The following BRCA1 variants were observed in gnomAD, a reference collection of about 807,000 sequenced individuals.
BRCA1 encodes the protein BRCA1 DNA repair associated.
A neutral mutation model predicts 173.7 loss-of-function variants in BRCA1; 140 were observed. That is an observed-to-expected ratio of 0.81 (90% confidence interval 0.70 to 0.93). BRCA1 has a LOEUF of 0.93. BRCA1 is among the 40% of genes least tolerant of loss of function. The probability of loss-of-function intolerance (pLI) is 0.00; values close to 1 mark genes in which losing one functional copy is unlikely to be tolerated. For missense variants in BRCA1, 1,983 were observed against 2,172.5 expected, an observed-to-expected ratio of 0.91 and a Z score of 1.73; for synonymous variants, 662 against 756.0, an observed-to-expected ratio of 0.88 and a Z score of 2.04.
chr17:43,094,907 T>C (rs1237524173), intron 9 of BRCA1, 47 bp from the exon 10 acceptor site: 2 of 1,522,652 alleles, frequency 1.3e-6, no homozygotes, highest in South Asian at 1.2e-5. Context: ...TGAATTGTCA[T>C]TAAAAAAATA....
chr17:43,076,595 T>C lies in BRCA1; in HGVS notation c.4377A>G (p.Lys1459=). The stretch of plus-strand genomic sequence containing the variant: ...TCTGGCTTATAGGGTATTCACTACT[T>C]TTCTGTGAAGTTAATACTGCTTTAA... ...TSEKAVLTSQ[K]SSEYPISQNP... is the part of the protein sequence containing the mutation. The change falls in exon 13 of 23, where the codon AAA becomes AAG. Residue 1459 remains lysine (K), a synonymous_variant. Transcript: ENST00000357654. The C allele has an allele frequency of 6.2e-7, 1 of 1,613,684 alleles. No individual in the cohort carries two copies. The highest frequency in any genetic ancestry group is 8.5e-7 in the Non-Finnish European group (1 of 1,179,798).
At chr17:43,086,481 T>C (rs972533022) in intron 11 of BRCA1, among the ~76,000 whole-genome samples, 4 of 152,132 alleles carry the variant, frequency 2.6e-5, no homozygotes, top group African/African-American at 9.7e-5. Flanking sequence ...AAAATCCCAC[T>C]TCAATAGTTT....
chr17:43,090,815 A>G (rs1008296570), intron 11 of BRCA1, 129 bp downstream of exon 11: 3 of 916,460 alleles, frequency 3.3e-6, no homozygotes, highest in Non-Finnish European at 5.2e-6. Context: ...TAAGGAGACA[A>G]TGAACCACAA....
chr17:43,165,162 C>G (rs1349524054), intron 1 of BRCA1, among the ~76,000 whole-genome samples: 1 of 152,106 alleles, frequency 6.6e-6, no homozygotes, highest in African/African-American at 2.4e-5. Context: ...TAATGTTTGA[C>G]CATAAGGTAA....
chr17:43,143,054 GTATA>G (rs967043655), intron 1 of BRCA1, among the ~76,000 whole-genome samples: 1 of 148,582 alleles, frequency 6.7e-6, no homozygotes, highest in African/African-American at 2.5e-5. Flanking sequence ...GTATATATGT[GTATA>G]TATATATGTA....
chr17:43,096,160 T>C (rs2054127566), intron 8 of BRCA1, among the ~76,000 whole-genome samples: 1 of 151,894 alleles, frequency 6.6e-6, no homozygotes, highest in South Asian at 2.1e-4. Context: ...GTGGACCACT[T>C]GAGGTCATGA....
At chr17:43,118,924 C>T (rs1003136075) in intron 2 of BRCA1, among the ~76,000 whole-genome samples, 5 of 152,076 alleles carry the variant, frequency 3.3e-5, no homozygotes, top group African/African-American at 4.8e-5. Flanking sequence ...CTGCCACACC[C>T]GGCTAATTTT....
chr17:43,052,234 G>A (rs573003822), intron 19 of BRCA1, among the ~76,000 whole-genome samples: 1 of 152,250 alleles, frequency 6.6e-6, no homozygotes, highest in South Asian at 2.1e-4. Context: ...ATTGAGCACT[G>A]GAGATGTGGT....
rs537907260 is a variant in BRCA1, at chr17:43,131,696, C to T, written c.-19-7581G>A. ...AGATCGTGCCACTGCACTTCAGCCT[C>T]GGTGACAGAGCGAGACTCCGTCTCA... On this transcript the variant is annotated intron_variant, in intron 1 of 7. Coordinates refer to the BRCA1 transcript ENST00000634433. Among the ~76,000 whole-genome samples, 355 of 150,294 alleles carry T rather than the reference C, an allele frequency of 2.4e-3. 2 individuals are homozygous for T. The highest frequency in any genetic ancestry group is 8.4e-3 in the African/African-American group (342 of 40,860).
At chr17:43,146,907 C>T (rs1296557865) in intron 1 of BRCA1, among the ~76,000 whole-genome samples, 1 of 152,166 alleles carries the variant, frequency 6.6e-6, no homozygotes, top group Non-Finnish European at 1.5e-5. Flanking sequence ...CTCACCCCCT[C>T]CTCATTTTAG....
At chr17:43,073,766 A>ATT (rs974171622) in intron 14 of BRCA1, among the ~76,000 whole-genome samples, 27 of 151,020 alleles carry the variant, frequency 1.8e-4, no homozygotes, top group African/African-American at 3.4e-4. Flanking sequence ...ATATATATAT[A>ATT]TTTTTTGAGA....
chr17:43,127,492 G>C (rs561324881), upstream of BRCA1, among the ~76,000 whole-genome samples: 2 of 152,232 alleles, frequency 1.3e-5, no homozygotes, highest in Non-Finnish European at 2.9e-5. Context: ...AGCACTCTGT[G>C]TCTAGCTAAA....
Position 43,085,003 on chromosome 17 carries a change from T to C in BRCA1, c.4186-2428A>G, listed in dbSNP as rs899592688. Among the ~76,000 whole-genome samples, 7 of 152,174 alleles carry C rather than the reference T, an allele frequency of 4.6e-5. No individual in the cohort carries two copies. In the South Asian group the frequency reaches 1.4e-3, roughly 32 times the overall value. On this transcript the variant is annotated intron_variant, in intron 11 of 22. Transcript: ENST00000357654. Reference sequence around the variant, plus strand: ...CCCAAAGGAATTATTTTTTATAACTTAGACAAATTCCCCAGCAGGTAAGTG... The same window carrying C: ...CCCAAAGGAATTATTTTTTATAACTCAGACAAATTCCCCAGCAGGTAAGTG...
In BRCA1 at chr17:43,095,906, A is replaced by G. The variant is rs2154514962; in HGVS notation, c.610T>C (p.Leu204=). The G allele has an allele frequency of 6.2e-7, 1 of 1,613,336 alleles. No individual in the cohort carries two copies. Among genetic ancestry groups the G allele is most frequent in the Non-Finnish European group, 8.5e-7 (1 of 1,179,446 alleles). The change falls in exon 9 of 23, where the codon TTG becomes CTG. Residue 204 remains leucine (L), a synonymous_variant. Coordinates refer to ENST00000357654, the MANE Select transcript of BRCA1 (RefSeq NM_007294.4). ...ATYCSVGDQE[L]LQITPQGTRD... ...GTTCCTTGAGGGGTGATTTGTAACA[A>G]TTCTTGATCTCCCACACTATAGGGA...
At chr17:43,060,221 G>A (rs914773284) in intron 18 of BRCA1, among the ~76,000 whole-genome samples, 3 of 151,892 alleles carry the variant, frequency 2.0e-5, no homozygotes, top group Admixed American at 1.3e-4. Context: ...TTAGAGGCAC[G>A]CGCCACCACG....
chr17:43,166,154 G>GTCTCTCTC (rs779241654), intron 1 of BRCA1: 2 of 140,540 alleles, frequency 1.4e-5, no homozygotes, highest in African/African-American at 5.2e-5. Flanking sequence ...GTGTGTGTGT[G>GTCTCTCTC]TCTCTCTCTC....
At chr17:43,147,162 G>A (rs1450021483) in intron 1 of BRCA1, among the ~76,000 whole-genome samples, 1 of 152,082 alleles carries the variant, frequency 6.6e-6, no homozygotes, top group Non-Finnish European at 1.5e-5. Context: ...CACCGCGCCC[G>A]GCTAATTTTG....
chr17:43,051,704 T>C (rs1160648914), intron 19 of BRCA1, among the ~76,000 whole-genome samples: 1 of 151,860 alleles, frequency 6.6e-6, no homozygotes, highest in Non-Finnish European at 1.5e-5. Context: ...TGGTGCGATC[T>C]GGGCTCACTG....
rs1325492180 is a variant in BRCA1 at position 43,100,632 on chromosome 17, TTA to T, written c.442-754_442-753del. On this transcript the variant is annotated intron_variant, in intron 6 of 22. Coordinates refer to ENST00000357654, the MANE Select transcript of BRCA1 (RefSeq NM_007294.4). The stretch of plus-strand genomic sequence containing the variant: ...AACATATATATAACATATATATATG[TTA>T]TATATATATAACATATATATAACAT... Among the ~76,000 whole-genome samples the T allele has an allele frequency of 4.2e-3, 183 of 43,218 alleles. 12 individuals are homozygous for T. The highest frequency in any genetic ancestry group is 0.038 in the African/African-American group (157 of 4,154). 28.4% of individuals were successfully genotyped at this position (43,218 alleles called of 152,430 possible).
Sources: allele counts gnomAD v4.1 joint callset (sites outside exome capture counted in the v4.1 genomes callset), GRCh38; gene constraint gnomAD v4.1.1; transcripts MANE v1.5; gene names NCBI Gene and HGNC (gene_info 2026-07-23, HGNC 2026-07-21).